The following KHDRBS2 variants were observed in gnomAD, a reference collection of about 807,000 sequenced individuals.
KHDRBS2 encodes the protein KH RNA binding domain containing, signal transduction associated 2.
A neutral mutation model predicts 44.3 loss-of-function variants in KHDRBS2; 26 were observed. The ratio of observed to expected loss-of-function variants is 0.59; its 90% CI spans 0.43 to 0.81. The LOEUF (loss-of-function observed/expected upper bound fraction) is 0.81. Among genes scored for constraint, KHDRBS2 ranks in the 40% least tolerant of loss-of-function variants. The pLI is 0.00. For synonymous variants in KHDRBS2, 194 were observed against 151.1 expected (o/e 1.28, Z -2.08); for missense variants, 476 against 433.1 (o/e 1.10, Z -0.88).
At chr6:61,545,002 G>A in the KHDRBS2 span, among the ~76,000 whole-genome samples, 2 of 151,968 alleles carry the variant, frequency 1.3e-5, no homozygotes, top group African/African-American at 4.8e-5. Context: ...AATGGGTGCA[G>A]CACACCAACA....
intron 2 of KHDRBS2, among the ~76,000 whole-genome samples, chr6:62,174,341 C>A (rs1563002124): frequency 6.6e-6 from 1 of 151,032 alleles, no homozygotes; most frequent in East Asian, 1.9e-4. Flanking sequence ...TACAGTTAAA[C>A]AAAAAGGTGA....
chr6:61,983,190 G>GT (rs1183896072), intron 3 of KHDRBS2, among the ~76,000 whole-genome samples: 3 of 30,438 alleles, frequency 9.9e-5, no homozygotes, highest in African/African-American at 1.6e-4. Context: ...AGTAATTAAA[G>GT]TTTTTTTCAT....
intron 6 of KHDRBS2, among the ~76,000 whole-genome samples, chr6:61,804,874 C>T (rs1242911397): frequency 1.3e-5 from 2 of 152,186 alleles, no homozygotes. Flanking sequence ...ATGGGAAGAA[C>T]TGCCACGAAG....
At chr6:61,611,884 C>T in the KHDRBS2 span, among the ~76,000 whole-genome samples, 123,611 of 152,100 alleles carry the variant, frequency 0.81, 50,603 homozygotes, top group Non-Finnish European at 0.87. Context: ...TTTATGTCCA[C>T]GTGAGCTTAG....
chr6:61,660,855 A>G, the KHDRBS2 span, among the ~76,000 whole-genome samples: 1 of 151,876 alleles, frequency 6.6e-6, no homozygotes, highest in South Asian at 2.1e-4. Context: ...AAGAGCCATC[A>G]TGTATGGTGG....
intron 6 of KHDRBS2, among the ~76,000 whole-genome samples, chr6:61,786,190 G>A (rs1382844179): frequency 6.6e-6 from 1 of 151,996 alleles, no homozygotes; most frequent in African/African-American, 2.4e-5. Flanking sequence ...AAGAGGGAGA[G>A]GGAGAGAGAG....
intron 2 of KHDRBS2, among the ~76,000 whole-genome samples, chr6:62,063,947 T>A (rs982100447): frequency 1.4e-4 from 21 of 146,518 alleles, no homozygotes; most frequent in Non-Finnish European, 2.7e-4. Flanking sequence ...GGATACAAAA[T>A]CAATGTACAA....
intron 6 of KHDRBS2, among the ~76,000 whole-genome samples, chr6:61,806,335 C>G (rs1403257079): frequency 6.6e-6 from 1 of 152,034 alleles, no homozygotes; most frequent in African/African-American, 2.4e-5. Flanking sequence ...ATGAAAAAGC[C>G]CAAAGCAGCC....
At chr6:62,005,342 C>T (rs534283331) in intron 3 of KHDRBS2, among the ~76,000 whole-genome samples, 17 of 151,912 alleles carry the variant, frequency 1.1e-4, no homozygotes, top group Non-Finnish European at 2.1e-4. Flanking sequence ...TTGTTGTTTG[C>T]TATTTCTATT....
the KHDRBS2 span, among the ~76,000 whole-genome samples, chr6:61,586,022 G>C: frequency 6.6e-6 from 1 of 152,116 alleles, no homozygotes; most frequent in Non-Finnish European, 1.5e-5. Context: ...TGATGGTGGA[G>C]CCAACACTGA....
intron 6 of KHDRBS2, among the ~76,000 whole-genome samples, chr6:61,776,062 T>A (rs1017607502): frequency 6.6e-6 from 1 of 152,148 alleles, no homozygotes; most frequent in Non-Finnish European, 1.5e-5. Flanking sequence ...ATTTAATAAA[T>A]GGTGCTGGGA....
At chr6:61,675,376 G>A (rs1265910442), downstream of KHDRBS2, among the ~76,000 whole-genome samples, 1 of 151,512 alleles carries the variant, frequency 6.6e-6, no homozygotes, top group African/African-American at 2.4e-5. Flanking sequence ...CTGTTATTAA[G>A]CTAAATGGTC....
At chr6:61,927,723 C>T (rs1809240095) in intron 4 of KHDRBS2, among the ~76,000 whole-genome samples, 1 of 152,060 alleles carries the variant, frequency 6.6e-6, no homozygotes, top group African/African-American at 2.4e-5. Context: ...CAGGTTGACT[C>T]AATTCACAAT....
chr6:61,915,233 A>G (rs1476467930), intron 4 of KHDRBS2, among the ~76,000 whole-genome samples: 1 of 152,056 alleles, frequency 6.6e-6, no homozygotes, highest in Non-Finnish European at 1.5e-5. Context: ...ACAGTTCTAC[A>G]GAAACCCAAT....
At chr6:61,945,207 T>C (rs1426132469) in intron 4 of KHDRBS2, among the ~76,000 whole-genome samples, 16 of 115,380 alleles carry the variant, frequency 1.4e-4, no homozygotes, top group Admixed American at 1.2e-3. Context: ...TATTAATGAT[T>C]AAAAATTTAA....
chr6:61,813,012 A>G (rs1323098613), intron 6 of KHDRBS2, among the ~76,000 whole-genome samples: 1 of 152,126 alleles, frequency 6.6e-6, no homozygotes, highest in African/African-American at 2.4e-5. Context: ...AGTTTGCAAC[A>G]AATAAAAAGA....
intron 5 of KHDRBS2, among the ~76,000 whole-genome samples, 195 bp downstream of exon 5, chr6:61,901,049 A>G (rs560859881): frequency 6.6e-6 from 1 of 152,254 alleles, no homozygotes; most frequent in East Asian, 1.9e-4. Context: ...TTTATCTCCT[A>G]GTATGGAGGA....
chr6:61,967,330 A>C (rs1770216326), intron 4 of KHDRBS2, among the ~76,000 whole-genome samples: 1 of 151,998 alleles, frequency 6.6e-6, no homozygotes, highest in African/African-American at 2.4e-5. Flanking sequence ...ATTTGAGAGA[A>C]AAGACAGTCA....
At chr6:62,238,802 A>C (rs1232826458) in intron 1 of KHDRBS2, among the ~76,000 whole-genome samples, 1 of 152,106 alleles carries the variant, frequency 6.6e-6, no homozygotes, top group Non-Finnish European at 1.5e-5. Flanking sequence ...TTTTAAATTG[A>C]TATATCTGTA....
Sources: gnomAD v4.1 joint callset for allele counts (sites outside exome capture counted in the v4.1 genomes callset) on GRCh38, gnomAD v4.1.1 for gene constraint, MANE v1.5 for transcripts, NCBI Gene and HGNC (gene_info 2026-07-23, HGNC 2026-07-21) for gene names.